The following LIN7A variants were observed in gnomAD, a reference collection of about 807,000 sequenced individuals.
LIN7A encodes the protein lin-7 cell polarity scaffold A, also known as protein lin-7 homolog A.
Under a neutral mutation model 29.8 loss-of-function variants are expected in LIN7A, and 25 were observed. The observed-to-expected ratio is 0.84, with a 90% CI of 0.61 to 1.17. The LOEUF is 1.17. Among genes scored for constraint, LIN7A ranks in the 50% most tolerant of loss-of-function variants. The probability of loss-of-function intolerance (pLI) is 0.00; values close to 1 mark genes in which losing one functional copy is unlikely to be tolerated. For synonymous variants in LIN7A, 118 were observed against 107.5 expected (o/e 1.10, Z -0.60); for missense variants, 239 against 287.0 (o/e 0.83, Z 1.21).
At chr12:80,875,120 T>C (rs2120528963) in intron 2 of LIN7A, among the ~76,000 whole-genome samples, 1 of 152,352 alleles carries the variant, frequency 6.6e-6, no homozygotes, top group Non-Finnish European at 1.5e-5. Flanking sequence ...CCTGGGATAC[T>C]TTGGTTCTGG....
At chr12:80,924,656 C>A (rs1182858122) in intron 1 of LIN7A, among the ~76,000 whole-genome samples, 1 of 152,100 alleles carries the variant, frequency 6.6e-6, no homozygotes, top group Non-Finnish European at 1.5e-5. Context: ...ACCCCTAAAG[C>A]CATGTTTGCC....
intron 1 of LIN7A, among the ~76,000 whole-genome samples, chr12:80,904,823 C>CT (rs1313690159): frequency 6.6e-6 from 1 of 152,018 alleles, no homozygotes; most frequent in Non-Finnish European, 1.5e-5. Flanking sequence ...TCATATATAC[C>CT]TATACATGTA....
chr12:80,937,896 A>C lies in LIN7A; in HGVS notation c.-174T>G, dbSNP rs571831363. 4 of 476,164 alleles carry C rather than the reference A, an allele frequency of 8.4e-6. No homozygotes were observed. The East Asian group carries it at 1.4e-4, about 17-fold the overall frequency. The allele number at this position is 476,164 out of a possible 1,614,324, so 29.5% of individuals were successfully genotyped here. A position where few individuals can be genotyped will look rare whatever the true frequency, so the allele number is the denominator to read the frequency against. On this transcript the variant is annotated 5_prime_UTR_variant, in exon 1 of 6. Transcript: ENST00000552864. ...AACTGTTCCGCGGCGGCAGATCTTC[A>C]GTTGCGGTGCGGAGCTGAGCAGGTA... is the stretch of plus-strand genomic sequence containing the variant.
chr12:80,883,177 A>G (rs1407593447), intron 2 of LIN7A, among the ~76,000 whole-genome samples: 1 of 151,364 alleles, frequency 6.6e-6, no homozygotes, highest in Non-Finnish European at 1.5e-5. Flanking sequence ...TTCTTCCTCC[A>G]ATTCCTCTTT....
chr12:80,797,936 T>C (rs1870531932), intron 5 of LIN7A, among the ~76,000 whole-genome samples: 1 of 152,222 alleles, frequency 6.6e-6, no homozygotes, highest in South Asian at 2.1e-4. Flanking sequence ...AAAGCCACAG[T>C]TGTTCCCTAA....
chr12:80,908,023 C>T (rs1278981699), intron 1 of LIN7A, among the ~76,000 whole-genome samples: 1 of 151,966 alleles, frequency 6.6e-6, no homozygotes, highest in African/African-American at 2.4e-5. Flanking sequence ...AAAGTTATTG[C>T]CTATGACCTA....
At chr12:80,919,096 T>A (rs1349478095) in intron 1 of LIN7A, among the ~76,000 whole-genome samples, 2 of 152,214 alleles carry the variant, frequency 1.3e-5, no homozygotes, top group Admixed American at 6.5e-5. Context: ...AATCACCTAA[T>A]GCTTCTTTTC....
intron 5 of LIN7A, among the ~76,000 whole-genome samples, chr12:80,807,673 G>A (rs1269728427): frequency 2.0e-5 from 3 of 152,122 alleles, no homozygotes; most frequent in Admixed American, 6.5e-5. Flanking sequence ...GGAATAATGC[G>A]TTGTCATTAC....
chr12:80,833,386 A>T (rs1204565926), intron 4 of LIN7A, among the ~76,000 whole-genome samples: 2 of 152,126 alleles, frequency 1.3e-5, no homozygotes, highest in East Asian at 3.9e-4. Context: ...GTCATTTTCA[A>T]ATCTTTTCCT....
At chr12:80,911,768 T>C (rs760546781) in intron 1 of LIN7A, among the ~76,000 whole-genome samples, 3 of 152,228 alleles carry the variant, frequency 2.0e-5, no homozygotes, top group Non-Finnish European at 2.9e-5. Context: ...AGCTTTGTTT[T>C]ATCTTTTGAA....
chr12:80,841,157 G>C (rs1391643377), intron 4 of LIN7A, among the ~76,000 whole-genome samples: 1 of 152,108 alleles, frequency 6.6e-6, no homozygotes, highest in African/African-American at 2.4e-5. Flanking sequence ...TCTTCTCTGG[G>C]TGAGCTTATT....
At chr12:80,835,155 G>A (rs774060204) in intron 4 of LIN7A, among the ~76,000 whole-genome samples, 4 of 152,150 alleles carry the variant, frequency 2.6e-5, no homozygotes, top group Non-Finnish European at 5.9e-5. Context: ...CCATTACTTG[G>A]TTTACATATT....
intron 1 of LIN7A, among the ~76,000 whole-genome samples, chr12:80,912,946 A>G (rs1876841003): frequency 6.6e-6 from 1 of 152,202 alleles, no homozygotes; most frequent in African/African-American, 2.4e-5. Flanking sequence ...CATGTTTCTT[A>G]TTAAAAATGT....
intron 4 of LIN7A, chr12:80,841,930 T>C: frequency 1.9e-6 from 2 of 1,061,722 alleles, no homozygotes; most frequent in Non-Finnish European, 2.3e-6. Context: ...GTTGTAAGGT[T>C]TCACTGAGGA....
intron 1 of LIN7A, among the ~76,000 whole-genome samples, chr12:80,917,122 A>G (rs1312397011): frequency 6.6e-6 from 1 of 152,190 alleles, no homozygotes; most frequent in African/African-American, 2.4e-5. Flanking sequence ...TAGAGACTGA[A>G]TGAAGCTCAG....
At chr12:80,828,195 C>A (rs1226077942) in intron 4 of LIN7A, among the ~76,000 whole-genome samples, 1 of 152,030 alleles carries the variant, frequency 6.6e-6, no homozygotes, top group East Asian at 1.9e-4. Context: ...TAAAGTATAT[C>A]CATATCTTCC....
intron 2 of LIN7A, among the ~76,000 whole-genome samples, chr12:80,860,292 G>C (rs1259209726): frequency 6.6e-6 from 1 of 152,154 alleles, no homozygotes; most frequent in Non-Finnish European, 1.5e-5. Context: ...TTAGAATCAT[G>C]TTCAATACTG....
intron 4 of LIN7A, among the ~76,000 whole-genome samples, chr12:80,840,400 C>T (rs962028208): frequency 1.3e-5 from 2 of 152,104 alleles, no homozygotes; most frequent in African/African-American, 2.4e-5. Flanking sequence ...TTCTCACCTG[C>T]GTGCACGTGT....
intron 5 of LIN7A, among the ~76,000 whole-genome samples, chr12:80,800,440 G>A (rs924468549): frequency 4.5e-5 from 6 of 132,830 alleles, no homozygotes; most frequent in Middle Eastern, 4.8e-3. Context: ...AGTGAGCTGC[G>A]ATCGTGCCAT....
Sources: allele counts gnomAD v4.1 joint callset (sites outside exome capture counted in the v4.1 genomes callset), GRCh38; gene constraint gnomAD v4.1.1; transcripts MANE v1.5; gene names NCBI Gene and HGNC (gene_info 2026-07-23, HGNC 2026-07-21).